Variants in PDSS2 observed in about 807,000 individuals in gnomAD.
PDSS2 encodes decaprenyl diphosphate synthase subunit 2.
PDSS2 carries 31 observed loss-of-function variants against 44.5 expected under a neutral mutation model. The ratio of observed to expected loss-of-function variants is 0.70; its 90% CI spans 0.52 to 0.94. PDSS2 has a LOEUF of 0.94. PDSS2 is among the 40% of genes least tolerant of loss of function. The pLI is 0.00. For missense variants in PDSS2, 452 were observed against 482.2 expected, an observed-to-expected ratio of 0.94 and a Z score of 0.59; for synonymous variants, 157 against 180.3, an observed-to-expected ratio of 0.87 and a Z score of 1.03.
rs978280500 is a variant in PDSS2 at position 107,287,864 on chromosome 6, G to A, written c.432-13637C>T. On this transcript the variant is annotated intron_variant, in intron 2 of 7. Coordinates refer to ENST00000369037, the MANE Select transcript of PDSS2 (RefSeq NM_020381.4). ...TAAAATTAGAGATGGGTGAGGTGGCGTGTGCCTATAGTCCCAGCTATTAGG... is the reference window on the plus strand; with the variant it reads ...TAAAATTAGAGATGGGTGAGGTGGCATGTGCCTATAGTCCCAGCTATTAGG... Among the ~76,000 whole-genome samples the A allele has an allele frequency of 5.3e-5, 8 of 151,824 alleles. No individual in the cohort carries two copies. The East Asian group carries it at 1.6e-3, about 29-fold the overall frequency.
chr6:107,454,576 T>A (rs1781975203), intron 1 of PDSS2, among the ~76,000 whole-genome samples: 1 of 152,112 alleles, frequency 6.6e-6, no homozygotes, highest in Admixed American at 6.5e-5. Flanking sequence ...AGGCTGTTTT[T>A]CCCTTTTCTT....
chr6:107,459,427 T>G lies in PDSS2; in HGVS notation c.-142A>C. 2.9e-6 allele frequency: 2 copies of G among 681,696 alleles called. No homozygotes were observed. Among genetic ancestry groups the G allele is most frequent in the South Asian group, 3.5e-5 (2 of 56,864 alleles). The allele number at this position is 681,696 out of a possible 1,614,324, so 42.2% of individuals were successfully genotyped here. ...AGAGTAAGGTGGCTTCCTGGAGCAG[T>G]GACCAGAAACGAACTTTAACTGCTG... On this transcript the variant is annotated 5_prime_UTR_variant, in exon 1 of 8. Transcript: ENST00000369037. The surrounding 1 kb of genome is among the most constrained non-coding windows in gnomAD (Gnocchi z 4.3).
In PDSS2 at chr6:107,332,083, T is replaced by G. The variant is rs150541392; in HGVS notation, c.431+2115A>C. On this transcript the variant is annotated intron_variant, in intron 2 of 7. Transcript: ENST00000369037. ...TCTCAACTAAACTTAGCCAAGAGTT[T>G]TCTACAAAATTTATAAGGTAAACTT... Among the ~76,000 whole-genome samples, 686 of 147,572 alleles carry G rather than the reference T, an allele frequency of 4.6e-3. 1 individual carries two copies. Among genetic ancestry groups the G allele is most frequent in the Non-Finnish European group, 6.6e-3 (445 of 67,424 alleles).
Position 107,274,177 on chromosome 6 carries a change from A to T in PDSS2, c.482T>A (p.Val161Glu). The change falls in exon 3 of 8, where the codon GTA becomes GAA. Residue 161 changes from valine (V) to glutamate (E), a missense_variant. Coordinates refer to ENST00000369037, the MANE Select transcript of PDSS2 (RefSeq NM_020381.4). Reference sequence around the variant, plus strand: ...ATTTAAATTTACTATCCCACGATGTACAAGGAGAGCAATATGAATTAGCTC... The same window carrying T: ...ATTTAAATTTACTATCCCACGATGTTCAAGGAGAGCAATATGAATTAGCTC... ...ITELIHIALL[V>E]HRGIVNLNEL... 6.2e-7 allele frequency: 1 copy of T among 1,614,052 alleles called. No individual in the cohort carries two copies. Among genetic ancestry groups the T allele is most frequent in the Non-Finnish European group, 8.5e-7 (1 of 1,179,862 alleles).
At chr6:107,405,027 G>A (rs1004304871) in intron 1 of PDSS2, among the ~76,000 whole-genome samples, 13 of 152,132 alleles carry the variant, frequency 8.5e-5, no homozygotes, top group African/African-American at 2.9e-4. Flanking sequence ...CCTAAAATCA[G>A]CAAGAGAAAG....
intron 1 of PDSS2, among the ~76,000 whole-genome samples, chr6:107,352,416 T>C (rs1778460414): frequency 1.3e-5 from 2 of 152,226 alleles, no homozygotes; most frequent in Admixed American, 1.3e-4. Context: ...TAAAATTCTA[T>C]TAAAAATTCT....
intron 1 of PDSS2, among the ~76,000 whole-genome samples, chr6:107,439,542 G>A (rs1781454551): frequency 6.6e-6 from 1 of 152,182 alleles, no homozygotes; most frequent in Non-Finnish European, 1.5e-5. Context: ...CTTGCAGAGG[G>A]GAAAATGCCT....
At chr6:107,380,376 T>C (rs1779419652) in intron 1 of PDSS2, among the ~76,000 whole-genome samples, 7 of 152,206 alleles carry the variant, frequency 4.6e-5, no homozygotes, top group Admixed American at 1.3e-4. Flanking sequence ...TCTCAGTCTT[T>C]TTCCCCCTCC....
intron 2 of PDSS2, among the ~76,000 whole-genome samples, chr6:107,321,907 T>C (rs1777392766): frequency 1.3e-5 from 2 of 152,206 alleles, no homozygotes; most frequent in African/African-American, 2.4e-5. Flanking sequence ...TCTTTTCTGC[T>C]CTTTCATTGC....
intron 7 of PDSS2, among the ~76,000 whole-genome samples, chr6:107,180,570 C>A (rs1350645812): frequency 6.6e-6 from 1 of 152,102 alleles, no homozygotes; most frequent in Non-Finnish European, 1.5e-5. Context: ...TTATTGGGTA[C>A]CTATCCTGCA....
intron 7 of PDSS2, among the ~76,000 whole-genome samples, chr6:107,173,316 G>A (rs1771654413): frequency 6.6e-6 from 1 of 151,866 alleles, no homozygotes. Flanking sequence ...GCTCACAGCT[G>A]TAATCCCAGC....
intron 3 of PDSS2, among the ~76,000 whole-genome samples, chr6:107,273,405 G>A (rs932500736): frequency 3.3e-5 from 5 of 151,880 alleles, no homozygotes; most frequent in African/African-American, 9.7e-5. Context: ...TCTGGAATAG[G>A]GAAAATTGAT....
At chr6:107,347,294 G>C (rs1396789783) in intron 1 of PDSS2, among the ~76,000 whole-genome samples, 1 of 123,018 alleles carries the variant, frequency 8.1e-6, no homozygotes, top group African/African-American at 3.2e-5. Flanking sequence ...ACGGAGTCTC[G>C]CTCTGTTGCC....
intron 7 of PDSS2, among the ~76,000 whole-genome samples, chr6:107,191,170 T>C (rs552560474): frequency 5.3e-5 from 8 of 152,184 alleles, no homozygotes; most frequent in Admixed American, 2.6e-4. Flanking sequence ...GGATTACAGG[T>C]GTGAGCCACC....
At chr6:107,157,971 T>TTCTCAGTTCTAAGTGGGGATAATATA (rs1770969731) in intron 7 of PDSS2, among the ~76,000 whole-genome samples, 1 of 151,694 alleles carries the variant, frequency 6.6e-6, no homozygotes, top group Non-Finnish European at 1.5e-5. Flanking sequence ...GCGCCCGACT[T>TTCTCAGTTCTAAGTGGGGATAATATA]AGTGTTGTAT....
intron 7 of PDSS2, among the ~76,000 whole-genome samples, chr6:107,159,509 C>T (rs370484820): frequency 2.0e-5 from 3 of 151,368 alleles, no homozygotes; most frequent in East Asian, 1.9e-4. Context: ...CTCCGCCTCC[C>T]GGGTTCAAGC....
At chr6:107,179,815 G>C (rs1771910425) in intron 7 of PDSS2, among the ~76,000 whole-genome samples, 1 of 152,168 alleles carries the variant, frequency 6.6e-6, no homozygotes, top group African/African-American at 2.4e-5. Context: ...AGGCTGAGTA[G>C]TGCTTGGAGA....
intron 4 of PDSS2, among the ~76,000 whole-genome samples, chr6:107,241,399 T>A (rs1233562884): frequency 1.5e-5 from 2 of 133,006 alleles, no homozygotes; most frequent in Non-Finnish European, 1.5e-5. Flanking sequence ...CAGGCTGGAG[T>A]GCAGTGGCGA....
At chr6:107,425,955 C>T (rs319102) in intron 1 of PDSS2, among the ~76,000 whole-genome samples, 99,932 of 149,202 alleles carry the variant, frequency 0.67, 34,738 homozygotes, top group Non-Finnish European at 0.79. Context: ...AGCGAGACTT[C>T]GTCTCGAAAA....
Sources: allele counts gnomAD v4.1 joint callset (sites outside exome capture counted in the v4.1 genomes callset), GRCh38; gene constraint gnomAD v4.1.1; non-coding constraint Gnocchi (gnomAD v3.1); transcripts MANE v1.5; gene names NCBI Gene and HGNC (gene_info 2026-07-23, HGNC 2026-07-21).